NLGN1: variants seen among roughly 807,000 people sequenced by gnomAD.
NLGN1 encodes neuroligin-1.
Under a neutral mutation model 65.5 loss-of-function variants are expected in NLGN1, and 12 were observed. The ratio of observed to expected loss-of-function variants is 0.18; its 90% CI spans 0.12 to 0.30. NLGN1 has a LOEUF of 0.30. NLGN1 is among the 10% of genes least tolerant of loss of function. The probability of loss-of-function intolerance (pLI) is 1.00; values close to 1 mark genes in which losing one functional copy is unlikely to be tolerated. For missense variants in NLGN1, 750 were observed against 1,007.1 expected, an observed-to-expected ratio of 0.74 and a Z score of 3.46; for synonymous variants, 350 against 359.5, an observed-to-expected ratio of 0.97 and a Z score of 0.30.
intron 1 of NLGN1, among the ~76,000 whole-genome samples, chr3:173,409,890 G>T (rs1712148459): frequency 6.6e-6 from 1 of 152,148 alleles, no homozygotes; most frequent in African/African-American, 2.4e-5. Context: ...GTTAATGCCA[G>T]GTGCTTACTA....
chr3:173,488,208 T>G (rs924956904), intron 2 of NLGN1, among the ~76,000 whole-genome samples: 1 of 152,062 alleles, frequency 6.6e-6, no homozygotes, highest in African/African-American at 2.4e-5. Flanking sequence ...TCTTAGAATA[T>G]TATTTTACTT....
intron 4 of NLGN1, among the ~76,000 whole-genome samples, chr3:173,830,436 A>G (rs1722302659): frequency 6.6e-6 from 1 of 152,210 alleles, no homozygotes; most frequent in African/African-American, 2.4e-5. Context: ...CAAGTTATTT[A>G]TGAAATGGGC....
chr3:174,017,172 G>T (rs1267852821), intron 4 of NLGN1, among the ~76,000 whole-genome samples: 1 of 152,136 alleles, frequency 6.6e-6, no homozygotes. Context: ...TAGTTAAACA[G>T]ATGAAAAGCC....
chr3:174,172,543 A>C (rs982646770), intron 4 of NLGN1, among the ~76,000 whole-genome samples: 1 of 152,070 alleles, frequency 6.6e-6, no homozygotes, highest in Admixed American at 6.6e-5. Flanking sequence ...ATAGGTGTCC[A>C]ATTTTCCCAG....
intron 3 of NLGN1, among the ~76,000 whole-genome samples, chr3:173,787,825 G>A (rs936074431): frequency 4.6e-5 from 7 of 152,196 alleles, no homozygotes; most frequent in Admixed American, 3.3e-4. Context: ...GCTGACCACA[G>A]CAAAGGTGCA....
intron 4 of NLGN1, among the ~76,000 whole-genome samples, chr3:174,272,044 G>A (rs915953229): frequency 6.6e-6 from 1 of 151,594 alleles, no homozygotes; most frequent in Non-Finnish European, 1.5e-5. Context: ...ATATGTCAAT[G>A]TGTTACAATA....
At chr3:173,993,922 G>A (rs567324224) in intron 4 of NLGN1, among the ~76,000 whole-genome samples, 10 of 152,006 alleles carry the variant, frequency 6.6e-5, no homozygotes, top group African/African-American at 1.9e-4. Flanking sequence ...ATATGAGTGT[G>A]TGTGTGTGTA....
intron 3 of NLGN1, among the ~76,000 whole-genome samples, chr3:173,798,252 A>G (rs1392221207): frequency 1.3e-5 from 2 of 152,162 alleles, no homozygotes; most frequent in Non-Finnish European, 2.9e-5. Flanking sequence ...TTTGGCAGCA[A>G]TAAATGCCAC....
intron 4 of NLGN1, among the ~76,000 whole-genome samples, chr3:173,840,028 A>T (rs1288052923): frequency 6.6e-6 from 1 of 152,202 alleles, no homozygotes; most frequent in African/African-American, 2.4e-5. Context: ...CAGCTTAACC[A>T]CTGTGCTATT....
chr3:173,420,749 G>T (rs536049494), intron 1 of NLGN1, among the ~76,000 whole-genome samples: 7 of 152,026 alleles, frequency 4.6e-5, no homozygotes, highest in Admixed American at 2.0e-4. Context: ...TTCTTCTTCC[G>T]GTGTGGCCCA....
At chr3:174,018,668 G>A (rs917939648) in intron 4 of NLGN1, among the ~76,000 whole-genome samples, 1 of 152,096 alleles carries the variant, frequency 6.6e-6, no homozygotes, top group South Asian at 2.1e-4. Flanking sequence ...TCCTTTAGAA[G>A]ACATCATACA....
intron 4 of NLGN1, among the ~76,000 whole-genome samples, chr3:174,090,275 A>T (rs1303900475): frequency 6.6e-6 from 1 of 152,122 alleles, no homozygotes. Context: ...GTTCAAAACC[A>T]GCCTGGCCAA....
chr3:173,929,685 T>C (rs544634938), intron 4 of NLGN1, among the ~76,000 whole-genome samples: 2 of 150,442 alleles, frequency 1.3e-5, no homozygotes, highest in South Asian at 4.2e-4. Context: ...AGCTTTTTTT[T>C]TTCTTTTTTT....
intron 3 of NLGN1, among the ~76,000 whole-genome samples, chr3:173,694,225 T>C (rs111521235): frequency 0.04 from 6,085 of 152,244 alleles, 170 homozygotes; most frequent in Non-Finnish European, 0.06. Flanking sequence ...TTTTGAATTA[T>C]ATTTCTTCTG....
intron 2 of NLGN1, among the ~76,000 whole-genome samples, chr3:173,573,949 G>A (rs1229920656): frequency 6.6e-6 from 1 of 150,930 alleles, no homozygotes; most frequent in Non-Finnish European, 1.5e-5. Context: ...TGTAGTCCCA[G>A]CTACTCAGGA....
intron 4 of NLGN1, among the ~76,000 whole-genome samples, chr3:173,843,157 C>T (rs534454723): frequency 3.2e-4 from 49 of 152,324 alleles, no homozygotes; most frequent in African/African-American, 8.9e-4. Flanking sequence ...CTTTCAGACA[C>T]AGCTTGAGTG....
intron 2 of NLGN1, among the ~76,000 whole-genome samples, chr3:173,557,437 A>G (rs1741898883): frequency 6.6e-6 from 1 of 151,974 alleles, no homozygotes; most frequent in Non-Finnish European, 1.5e-5. Context: ...CTCCACTTAC[A>G]TTTAATATAA....
At chr3:174,143,810 C>T (rs1722714155) in intron 4 of NLGN1, among the ~76,000 whole-genome samples, 1 of 152,180 alleles carries the variant, frequency 6.6e-6, no homozygotes, top group South Asian at 2.1e-4. Flanking sequence ...ACTGAATAAA[C>T]AACATCTATG....
intron 3 of NLGN1, among the ~76,000 whole-genome samples, chr3:173,621,880 G>A (rs1221609004): frequency 6.6e-6 from 1 of 151,916 alleles, no homozygotes; most frequent in Non-Finnish European, 1.5e-5. Flanking sequence ...ATTGATCATG[G>A]GAATGAATTT....
Sources: allele counts gnomAD v4.1 joint callset (sites outside exome capture counted in the v4.1 genomes callset), GRCh38; gene constraint gnomAD v4.1.1; transcripts MANE v1.5; gene names NCBI Gene and HGNC (gene_info 2026-07-23, HGNC 2026-07-21).